SPECC1: variants seen among roughly 807,000 people sequenced by gnomAD.
The protein encoded by SPECC1 is sperm antigen with calponin homology and coiled-coil domains 1, also known as cytospin-B.
A neutral mutation model predicts 104.1 loss-of-function variants in SPECC1; 62 were observed. The observed-to-expected ratio is 0.60, with a 90% CI of 0.49 to 0.74. The LOEUF is 0.74. Ranked by LOEUF, SPECC1 falls within the 30% of genes least tolerant of loss-of-function variation. The pLI, the probability that SPECC1 is intolerant of heterozygous loss-of-function variation, is 0.00. For missense variants in SPECC1, 1,306 were observed against 1,310.5 expected, an observed-to-expected ratio of 1.00 and a Z score of 0.05; for synonymous variants, 513 against 501.6, an observed-to-expected ratio of 1.02 and a Z score of -0.30.
At chr17:20,145,321 C>T (rs1177981110) in intron 3 of SPECC1, among the ~76,000 whole-genome samples, 1 of 152,174 alleles carries the variant, frequency 6.6e-6, no homozygotes. Context: ...ACACCGGATT[C>T]GCTGGATTGT....
At chr17:20,175,793 C>T (rs2151200816) in intron 3 of SPECC1, among the ~76,000 whole-genome samples, 1 of 152,308 alleles carries the variant, frequency 6.6e-6, no homozygotes, top group East Asian at 1.9e-4. Context: ...GCCTGGGCCT[C>T]TGCCGGGTGG....
At chr17:20,167,093 A>G (rs2033714835) in intron 3 of SPECC1, among the ~76,000 whole-genome samples, 1 of 150,094 alleles carries the variant, frequency 6.7e-6, no homozygotes. Context: ...AAATAGGATA[A>G]CACAAATACC....
intron 4 of SPECC1, among the ~76,000 whole-genome samples, chr17:20,211,282 T>C (rs988257681): frequency 2.6e-5 from 4 of 152,168 alleles, no homozygotes; most frequent in Admixed American, 6.5e-5. Flanking sequence ...GCACCAAATA[T>C]CAACTCTGGT....
At chr17:20,223,057 C>G (rs1375726761) in intron 4 of SPECC1, among the ~76,000 whole-genome samples, 2 of 152,048 alleles carry the variant, frequency 1.3e-5, no homozygotes, top group Non-Finnish European at 2.9e-5. Flanking sequence ...ACCTATTGTA[C>G]TTGAGTATTA....
At chr17:20,161,094 C>T (rs758487105) in intron 3 of SPECC1, among the ~76,000 whole-genome samples, 21 of 152,044 alleles carry the variant, frequency 1.4e-4, no homozygotes, top group Admixed American at 3.3e-4. Context: ...ACCTGTAATC[C>T]GAGCTACTTG....
intron 3 of SPECC1, among the ~76,000 whole-genome samples, chr17:20,133,579 A>C (rs2049769737): frequency 6.6e-6 from 1 of 152,174 alleles, no homozygotes; most frequent in East Asian, 1.9e-4. Context: ...CATATACATA[A>C]ATTTGAGAGG....
intron 3 of SPECC1, among the ~76,000 whole-genome samples, chr17:20,151,808 G>T (rs1290357595): frequency 6.6e-6 from 1 of 152,152 alleles, no homozygotes; most frequent in African/African-American, 2.4e-5. Context: ...CAGCACTTTG[G>T]GAGGCCAACT....
intron 1 of SPECC1, among the ~76,000 whole-genome samples, chr17:20,052,388 C>T (rs1466065990): frequency 6.6e-6 from 1 of 152,162 alleles, no homozygotes; most frequent in African/African-American, 2.4e-5. Flanking sequence ...TGTATTAGAA[C>T]AAATTTTAAT....
In SPECC1 at chr17:20,153,180, C is replaced by G. The variant is rs919642902; in HGVS notation, c.283+42618C>G. Among the ~76,000 whole-genome samples the G allele has an allele frequency of 6.6e-5, 10 of 152,164 alleles. No homozygotes were observed. In the East Asian group the frequency reaches 1.9e-3, roughly 29 times the overall value. On this transcript the variant is annotated intron_variant, in intron 3 of 14. Transcript: ENST00000395527. ...TCAGTTATGGACGAGGTGTTGAAAC[C>G]GACGGAATATAGCAGATATGAAAGC...
At chr17:20,299,739 G>A (rs2041506528) in intron 13 of SPECC1, among the ~76,000 whole-genome samples, 1 of 152,134 alleles carries the variant, frequency 6.6e-6, no homozygotes, top group African/African-American at 2.4e-5. Flanking sequence ...GAAGCAGGCT[G>A]TACAGGATTA....
intron 3 of SPECC1, among the ~76,000 whole-genome samples, chr17:20,195,240 A>C (rs2035950952): frequency 6.6e-6 from 1 of 152,228 alleles, no homozygotes; most frequent in Non-Finnish European, 1.5e-5. Context: ...TCTAAAGGAG[A>C]TTAAAACAAG....
At chr17:20,208,943 G>A (rs1227975270) in intron 4 of SPECC1, among the ~76,000 whole-genome samples, 1 of 152,166 alleles carries the variant, frequency 6.6e-6, no homozygotes, top group East Asian at 1.9e-4. Flanking sequence ...TGGGACTGCA[G>A]CCAGGCACCA....
chr17:20,134,118 A>T (rs2049801908), intron 3 of SPECC1, among the ~76,000 whole-genome samples: 1 of 150,068 alleles, frequency 6.7e-6, no homozygotes, highest in Non-Finnish European at 1.5e-5. Flanking sequence ...TAATATAAAT[A>T]TAACAAAATA....
intron 2 of SPECC1, among the ~76,000 whole-genome samples, chr17:20,108,555 A>G (rs1436317392): frequency 6.6e-6 from 1 of 152,204 alleles, no homozygotes. Flanking sequence ...TGCAGCTTTT[A>G]AACTTAATAC....
intron 3 of SPECC1, among the ~76,000 whole-genome samples, chr17:20,194,400 A>T (rs557148582): frequency 6.6e-6 from 1 of 152,088 alleles, no homozygotes; most frequent in Admixed American, 6.5e-5. Context: ...TATTGGCTCT[A>T]TAAATCAAGT....
rs751405204 is a variant in SPECC1, at chr17:20,205,759, T to C, written c.1710T>C (p.Ala570=). 4.8e-5 allele frequency: 77 copies of C among 1,614,088 alleles called. No individual in the cohort carries two copies. Among genetic ancestry groups the C allele is most frequent in the Non-Finnish European group, 6.4e-5 (76 of 1,180,040 alleles). ...GEKQKATEAS[A]VEQTAESCEV... The stretch of plus-strand genomic sequence containing the variant: ...AGCAGAAAGCCACAGAGGCCAGTGC[T>C]GTGGAGCAGACGGCAGAGAGCTGCG... The change falls in exon 4 of 15, where the codon GCT becomes GCC. Residue 570 remains alanine, a synonymous_variant. Coordinates refer to ENST00000395527, the MANE Select transcript of SPECC1 (RefSeq NM_001243439.2).
chr17:20,112,761 A>T (rs1472134403), intron 3 of SPECC1: 8 of 1,270,120 alleles, frequency 6.3e-6, no homozygotes, highest in Admixed American at 1.7e-5. Flanking sequence ...AAAGGTGTGG[A>T]TATGGAAGGA....
At chr17:20,021,666 TATATATATAATATAATA>T (rs1342548906) in intron 1 of SPECC1, among the ~76,000 whole-genome samples, 32 of 144,528 alleles carry the variant, frequency 2.2e-4, no homozygotes, top group African/African-American at 7.5e-4. Flanking sequence ...CTCTGATATA[TATATATATAATATAATA>T]ATATATATAT....
intron 12 of SPECC1, among the ~76,000 whole-genome samples, chr17:20,264,424 T>C (rs1046805576): frequency 1.3e-5 from 2 of 151,606 alleles, no homozygotes; most frequent in South Asian, 4.2e-4. Context: ...CAGTATCTAT[T>C]GTTGCCATCC....
Sources: allele counts gnomAD v4.1 joint callset (sites outside exome capture counted in the v4.1 genomes callset), GRCh38; gene constraint gnomAD v4.1.1; transcripts MANE v1.5; gene names NCBI Gene and HGNC (gene_info 2026-07-23, HGNC 2026-07-21).